Variants in NRAP observed in about 807,000 individuals in gnomAD.
NRAP encodes the protein nebulin-related-anchoring protein.
NRAP carries 189 observed loss-of-function variants against 225.9 expected under a neutral mutation model. That is an observed-to-expected ratio of 0.84 (90% CI 0.74 to 0.94). NRAP has a LOEUF of 0.94. Ranked by LOEUF, NRAP falls within the 40% of genes least tolerant of loss-of-function variation. The pLI is 0.00. For synonymous variants in NRAP, 769 were observed against 790.7 expected, an observed-to-expected ratio of 0.97 and a Z score of 0.46; for missense variants, 2,176 against 2,168.7, an observed-to-expected ratio of 1.00 and a Z score of -0.07.
intron 36 of NRAP, 110 bp downstream of exon 36, chr10:113,597,859 T>C: frequency 1.3e-6 from 1 of 788,630 alleles, no homozygotes; most frequent in South Asian, 1.4e-5. Flanking sequence ...ATACTGGGAG[T>C]CCAGTGGCCA....
intron 3 of NRAP, among the ~76,000 whole-genome samples, chr10:113,659,440 G>A (rs1850524745): frequency 6.6e-6 from 1 of 152,124 alleles, no homozygotes; most frequent in African/African-American, 2.4e-5. Context: ...CAGAAACACA[G>A]GACCAAAAGA....
At chr10:113,636,223 A>T (rs1848861934) in intron 14 of NRAP, among the ~76,000 whole-genome samples, 1 of 152,164 alleles carries the variant, frequency 6.6e-6, no homozygotes, top group African/African-American at 2.4e-5. Context: ...ATCTACTGAC[A>T]TCTCTGCCTG....
At chr10:113,628,256 C>T (rs1053725260) in intron 20 of NRAP, among the ~76,000 whole-genome samples, 8 of 152,238 alleles carry the variant, frequency 5.3e-5, no homozygotes, top group Non-Finnish European at 8.8e-5. Flanking sequence ...GGCACGATCT[C>T]GGTTCACTGC....
At chr10:113,622,220 C>A in intron 23 of NRAP, 40 bp from the exon 24 acceptor site, 1 of 1,414,920 alleles carries the variant, frequency 7.1e-7, no homozygotes, top group Non-Finnish European at 9.9e-7. Context: ...TTAGAACCTC[C>A]TAAAGGAATT....
At chr10:113,593,571 C>T (rs1022905709) in intron 38 of NRAP, among the ~76,000 whole-genome samples, 1 of 152,220 alleles carries the variant, frequency 6.6e-6, no homozygotes, top group Non-Finnish European at 1.5e-5. Flanking sequence ...CTGGGATAAT[C>T]ACCTAACTGA....
At chr10:113,615,067 G>A (rs936120982) in intron 27 of NRAP, 121 bp from the exon 28 acceptor site, 16 of 559,582 alleles carry the variant, frequency 2.9e-5, no homozygotes, top group South Asian at 2.6e-4. Flanking sequence ...GCCAGTTGGA[G>A]TTAGAGATCA....
intron 11 of NRAP, among the ~76,000 whole-genome samples, chr10:113,643,722 T>C (rs1210261002): frequency 1.3e-5 from 2 of 152,080 alleles, no homozygotes; most frequent in African/African-American, 2.4e-5. Flanking sequence ...CTACCACCAA[T>C]AGATGGCTGG....
intron 13 of NRAP, 24 bp from the exon 14 acceptor site, chr10:113,640,355 G>A: frequency 7.6e-7 from 1 of 1,314,716 alleles, no homozygotes; most frequent in Non-Finnish European, 1.1e-6. Flanking sequence ...AAAAGAAGAA[G>A]AATGGAGAAA....
intron 38 of NRAP, among the ~76,000 whole-genome samples, chr10:113,592,848 A>T (rs372930799): frequency 2.6e-5 from 4 of 152,182 alleles, no homozygotes; most frequent in Non-Finnish European, 5.9e-5. Flanking sequence ...CGAAGGGAAG[A>T]GCCTTCACCT....
intron 4 of NRAP, among the ~76,000 whole-genome samples, chr10:113,656,955 A>C (rs555089075): frequency 1.2e-4 from 19 of 152,284 alleles, no homozygotes; most frequent in Admixed American, 7.8e-4. Flanking sequence ...GTGTGTAAAT[A>C]AAATAAATGG....
At chr10:113,629,154 A>T in intron 19 of NRAP, 133 bp from the exon 20 acceptor site, 1 of 712,814 alleles carries the variant, frequency 1.4e-6, no homozygotes, top group East Asian at 2.7e-5. Flanking sequence ...CTTTATGGTC[A>T]GGCAGATCTC....
intron 13 of NRAP, 67 bp from the exon 14 acceptor site, chr10:113,640,398 T>A: frequency 2.3e-6 from 2 of 875,746 alleles, no homozygotes; most frequent in East Asian, 2.8e-5. Flanking sequence ...TTTGTTTGAA[T>A]GCCATAAGAA....
At chr10:113,599,520 A>G (rs1018954903) in intron 35 of NRAP, among the ~76,000 whole-genome samples, 2 of 152,188 alleles carry the variant, frequency 1.3e-5, no homozygotes, top group East Asian at 3.8e-4. Flanking sequence ...TGAAGTGGGG[A>G]GCGCTCTTTC....
At chr10:113,628,841 A>C in intron 20 of NRAP, 76 bp downstream of exon 20, 2 of 775,776 alleles carry the variant, frequency 2.6e-6, no homozygotes, top group Non-Finnish European at 2.1e-6. Context: ...AGAGAAAGGG[A>C]ATTAGAGGCA....
chr10:113,624,704 C>T lies in NRAP; in HGVS notation c.2349+122G>A, dbSNP rs562671043. On this transcript the variant is annotated intron_variant, in intron 22 of 41. Transcript: ENST00000359988. The stretch of plus-strand genomic sequence containing the variant: ...TCTGCTGGGTGAGCTGTTTTTACAA[C>T]AACCAGATGTATGTAACCTCAGTTG... 99 of 702,816 alleles carry T rather than the reference C, an allele frequency of 1.4e-4. No homozygotes were observed. The African/African-American group carries it at 1.6e-3, about 11-fold the overall frequency. 43.5% of individuals were successfully genotyped at this position (702,816 alleles called of 1,614,324 possible).
chr10:113,590,580 C>T lies in NRAP; in HGVS notation c.4954G>A (p.Asp1652Asn). The stretch of plus-strand genomic sequence containing the variant: ...GGGAGTGGGTGGAGGTGGCTCACAT[C>T]ACTCTGCAGCTGGTGGGCCTTCTGA... Reference protein sequence around the residue: ...HAQKAHQLQSDVKYKSDLNLT... With the variant: ...HAQKAHQLQSNVKYKSDLNLT... The change falls in exon 40 of 42, where the codon GAT (aspartate) becomes AAT (asparagine). Residue 1652 changes from aspartate to asparagine, a missense_variant and splice_region_variant. Physicochemically the swap from Asp to Asn is conservative, Grantham distance 23 (BLOSUM62 1). Transcript: ENST00000359988. The T allele has an allele frequency of 1.2e-6, 2 of 1,608,994 alleles. No homozygotes were observed. The highest frequency in any genetic ancestry group is 2.2e-5 in the South Asian group (2 of 91,022).
chr10:113,656,595 T>C (rs1279833565), intron 4 of NRAP, among the ~76,000 whole-genome samples: 1 of 152,240 alleles, frequency 6.6e-6, no homozygotes, highest in Non-Finnish European at 1.5e-5. Flanking sequence ...CTGATATTTA[T>C]TGTGCCTACC....
rs1460922451 is a variant in NRAP at position 113,606,920 on chromosome 10, G to C, written c.3703-638C>G. ...GTCTCTACTAAAAATACAAAACTTA[G>C]GGCCAGGCGTGGTGGTTCATGCCTG... On this transcript the variant is annotated intron_variant, in intron 32 of 41. Transcript: ENST00000359988. Among the ~76,000 whole-genome samples the C allele has an allele frequency of 2.0e-5, 3 of 151,950 alleles. No individual in the cohort carries two copies. The East Asian group carries it at 5.8e-4, about 29-fold the overall frequency.
At chr10:113,603,153 C>T (rs750102261) in intron 35 of NRAP, among the ~76,000 whole-genome samples, 12 of 152,206 alleles carry the variant, frequency 7.9e-5, no homozygotes, top group East Asian at 1.9e-4. Flanking sequence ...CACACTGCAA[C>T]GCAGTCCCAT....
Sources: gnomAD v4.1 joint callset for allele counts (sites outside exome capture counted in the v4.1 genomes callset) on GRCh38, gnomAD v4.1.1 for gene constraint, MANE v1.5 for transcripts, NCBI Gene and HGNC (gene_info 2026-07-23, HGNC 2026-07-21) for gene names.